Variants in RALYL observed in about 807,000 individuals in gnomAD.
The protein encoded by RALYL is RALY RNA binding protein like, also known as RNA-binding Raly-like protein.
In RALYL, 29 loss-of-function variants were observed where a neutral mutation model predicts 35.1. The ratio of observed to expected loss-of-function variants is 0.83; its 90% CI spans 0.61 to 1.13. The LOEUF (loss-of-function observed/expected upper bound fraction) is 1.13. Ranked by LOEUF, RALYL falls within the 50% of genes most tolerant of loss-of-function variation. The pLI, the probability that RALYL is intolerant of heterozygous loss-of-function variation, is 0.00. For missense variants in RALYL, 359 were observed against 360.4 expected (o/e 1.00, Z 0.03); for synonymous variants, 120 against 127.6 (o/e 0.94, Z 0.40).
intron 1 of RALYL, among the ~76,000 whole-genome samples, chr8:84,442,429 C>T (rs2048428729): frequency 1.3e-5 from 2 of 151,970 alleles, no homozygotes; most frequent in African/African-American, 4.8e-5. Flanking sequence ...ATTGTCTGTT[C>T]TTTTTCTTTT....
At chr8:84,523,737 T>G (rs2058664641) in intron 1 of RALYL, among the ~76,000 whole-genome samples, 1 of 143,540 alleles carries the variant, frequency 7.0e-6, no homozygotes, top group South Asian at 2.3e-4. Flanking sequence ...CATTGTTCAA[T>G]TCCCACCTGT....
At chr8:84,683,782 T>C (rs1836162585) in intron 2 of RALYL, among the ~76,000 whole-genome samples, 1 of 152,082 alleles carries the variant, frequency 6.6e-6, no homozygotes, top group African/African-American at 2.4e-5. Flanking sequence ...CGCCTCCTGA[T>C]TTCAAGCGAT....
At chr8:84,512,584 T>C (rs1328773755) in intron 1 of RALYL, among the ~76,000 whole-genome samples, 1 of 152,180 alleles carries the variant, frequency 6.6e-6, no homozygotes, top group African/African-American at 2.4e-5. Flanking sequence ...ACTTTTGAGG[T>C]CTTAGCCATA....
At chr8:84,390,149 G>T (rs1469682408) in intron 1 of RALYL, among the ~76,000 whole-genome samples, 1 of 152,090 alleles carries the variant, frequency 6.6e-6, no homozygotes, top group Non-Finnish European at 1.5e-5. Context: ...TACATTTATT[G>T]ATTTGCATAT....
chr8:84,728,700 C>G (rs1216989370), intron 2 of RALYL, among the ~76,000 whole-genome samples: 2 of 152,090 alleles, frequency 1.3e-5, no homozygotes, highest in African/African-American at 2.4e-5. Flanking sequence ...TATGGCTAGC[C>G]AGTTTTCCCA....
intron 1 of RALYL, among the ~76,000 whole-genome samples, chr8:84,275,420 G>A (rs1835170460): frequency 6.6e-6 from 1 of 151,566 alleles, no homozygotes; most frequent in Non-Finnish European, 1.5e-5. Context: ...TTTTGTTACT[G>A]CATTTTTAAA....
intron 1 of RALYL, among the ~76,000 whole-genome samples, chr8:84,449,343 G>T (rs1176015470): frequency 6.6e-6 from 1 of 151,956 alleles, no homozygotes; most frequent in East Asian, 1.9e-4. Context: ...GGGATGTCAT[G>T]TTCCTTGATT....
chr8:84,348,507 T>C (rs936421219), intron 1 of RALYL, among the ~76,000 whole-genome samples: 4 of 152,130 alleles, frequency 2.6e-5, no homozygotes, highest in African/African-American at 9.7e-5. Context: ...TGGGTTATTT[T>C]ACCCAGCCAG....
chr8:84,866,722 A>G (rs937920089), intron 6 of RALYL, among the ~76,000 whole-genome samples: 2 of 152,190 alleles, frequency 1.3e-5, no homozygotes, highest in Non-Finnish European at 2.9e-5. Flanking sequence ...CTGTGACAGT[A>G]AAAATAATAA....
chr8:84,780,949 C>T (rs528528727), intron 3 of RALYL, among the ~76,000 whole-genome samples: 3 of 152,168 alleles, frequency 2.0e-5, no homozygotes, highest in East Asian at 3.8e-4. Context: ...ACCTCCGCCT[C>T]CCAGGTTCGA....
At chr8:84,711,905 AT>A (rs1429728471) in intron 2 of RALYL, among the ~76,000 whole-genome samples, 1 of 152,186 alleles carries the variant, frequency 6.6e-6, no homozygotes, top group Non-Finnish European at 1.5e-5. Context: ...AGAAGAAATA[AT>A]TTGTTATTAA....
rs1281830588 is a variant in RALYL, at chr8:84,399,628, T to C, written c.-23-129671T>C. 2.6e-5 allele frequency among the ~76,000 whole-genome samples: 4 copies of C among 152,222 alleles called. No homozygotes were observed. The East Asian group carries it at 5.8e-4, about 22-fold the overall frequency. On this transcript the variant is annotated intron_variant, in intron 1 of 8. Coordinates refer to ENST00000521268, the MANE Select transcript of RALYL (RefSeq NM_173848.7). ...CAAAACCGTTCATTTACATGCATAA[T>C]TATTCCTTTATTTATTTCAATCTTA...
intron 8 of RALYL, among the ~76,000 whole-genome samples, chr8:84,892,467 G>A (rs537116708): frequency 2.5e-4 from 38 of 151,930 alleles, no homozygotes; most frequent in Middle Eastern, 3.4e-3. Context: ...AAAATTAGCC[G>A]GGCATGGTAG....
intron 2 of RALYL, among the ~76,000 whole-genome samples, chr8:84,623,113 A>C (rs1329392666): frequency 1.3e-5 from 2 of 152,238 alleles, no homozygotes; most frequent in African/African-American, 4.8e-5. Context: ...TGAATGTGAC[A>C]GTAAAACTTC....
chr8:84,188,588 G>A (rs1453373721), intron 1 of RALYL, among the ~76,000 whole-genome samples: 1 of 151,986 alleles, frequency 6.6e-6, no homozygotes, highest in Non-Finnish European at 1.5e-5. Flanking sequence ...AGTTTGTTTT[G>A]CTAAATCATG....
chr8:84,373,549 G>A (rs568423321), intron 1 of RALYL, among the ~76,000 whole-genome samples: 8 of 151,902 alleles, frequency 5.3e-5, no homozygotes, highest in Middle Eastern at 3.4e-3. Flanking sequence ...CCTCATCTTC[G>A]GGTCTCTATT....
rs537606299 is a variant in RALYL at position 84,730,062 on chromosome 8, C to A, written c.257-44517C>A. Reference sequence around the variant, plus strand: ...GACCAACATCATCCTGATACCAAAGCTGGGCGGAGACACAACCAAAAAAGA... The same window carrying A: ...GACCAACATCATCCTGATACCAAAGATGGGCGGAGACACAACCAAAAAAGA... On this transcript the variant is annotated intron_variant, in intron 2 of 8. Coordinates refer to ENST00000521268, the MANE Select transcript of RALYL (RefSeq NM_173848.7). 4.6e-5 allele frequency among the ~76,000 whole-genome samples: 7 copies of A among 152,286 alleles called. No individual in the cohort carries two copies. The East Asian group carries it at 1.4e-3, about 29-fold the overall frequency.
intron 8 of RALYL, among the ~76,000 whole-genome samples, chr8:84,904,144 G>A (rs1356480585): frequency 6.6e-6 from 1 of 152,112 alleles, no homozygotes; most frequent in East Asian, 1.9e-4. Context: ...CTAATACAGT[G>A]GAGTATGACT....
At chr8:84,813,710 A>C (rs1826438782) in intron 4 of RALYL, among the ~76,000 whole-genome samples, 2 of 151,744 alleles carry the variant, frequency 1.3e-5, no homozygotes, top group Non-Finnish European at 2.9e-5. Context: ...AGTTGCTTTC[A>C]CCCTCATAGG....
Sources: allele counts gnomAD v4.1 joint callset (sites outside exome capture counted in the v4.1 genomes callset), GRCh38; gene constraint gnomAD v4.1.1; transcripts MANE v1.5; gene names NCBI Gene and HGNC (gene_info 2026-07-23, HGNC 2026-07-21).